Variants in HSD17B7 observed in about 807,000 individuals in gnomAD.
The protein encoded by HSD17B7 is hydroxysteroid 17-beta dehydrogenase 7, also known as 3-keto-steroid reductase/17-beta-hydroxysteroid dehydrogenase 7.
A neutral mutation model predicts 34.1 loss-of-function variants in HSD17B7; 17 were observed. That is an observed-to-expected ratio of 0.50 (90% CI 0.34 to 0.75). The LOEUF is 0.75. Ranked by LOEUF, HSD17B7 falls within the 30% of genes least tolerant of loss-of-function variation. The probability of loss-of-function intolerance (pLI) is 0.01; values close to 1 mark genes in which losing one functional copy is unlikely to be tolerated. For synonymous variants in HSD17B7, 122 were observed against 154.6 expected (o/e 0.79, Z 1.56); for missense variants, 296 against 406.6 (o/e 0.73, Z 2.34).
intron 5 of HSD17B7, among the ~76,000 whole-genome samples, chr1:162,800,523 CTA>C (rs1435809181): frequency 3.3e-5 from 5 of 152,190 alleles, no homozygotes; most frequent in African/African-American, 1.2e-4. Flanking sequence ...AGCTCTGTCT[CTA>C]TGAGGATCTC....
chr1:162,792,720 T>C lies in HSD17B7; in HGVS notation c.97T>C (p.Leu33=). ...GGAAGATGATGAGCTTCATCTGTGT[T>C]TGGCGTGCAGGAACATGAGCAAGGC... ...LAEDDELHLC[L]ACRNMSKAEA... Residue 33 remains leucine (L), a synonymous_variant, in exon 2 of 9, where the codon TTG becomes CTG. Transcript: ENST00000254521. 1.9e-6 allele frequency: 3 copies of C among 1,614,160 alleles called. No individual in the cohort carries two copies. Among genetic ancestry groups the C allele is most frequent in the Non-Finnish European group, 2.5e-6 (3 of 1,180,036 alleles).
At chr1:162,808,791 A>G (rs1408124630) in intron 8 of HSD17B7, among the ~76,000 whole-genome samples, 1 of 152,188 alleles carries the variant, frequency 6.6e-6, no homozygotes, top group Non-Finnish European at 1.5e-5. Context: ...GTGTATAAGA[A>G]TGCTTGTGAT....
rs1288764028 is a variant in HSD17B7 at position 162,801,044 on chromosome 1, A to G, written c.642+1107A>G. 4.6e-5 allele frequency among the ~76,000 whole-genome samples: 7 copies of G among 152,266 alleles called. No homozygotes were observed. In the East Asian group the frequency reaches 1.2e-3, roughly 25 times the overall value. On this transcript the variant is annotated intron_variant, in intron 5 of 8. Coordinates refer to ENST00000254521, the MANE Select transcript of HSD17B7 (RefSeq NM_016371.4). The stretch of plus-strand genomic sequence containing the variant: ...GCCCAGGCTGGAGTGCGGTGGCACA[A>G]TCATGGCTCACTGCAACCTCTATCT...
At chr1:162,797,600 G>A (rs1470708884) in intron 3 of HSD17B7, 2 of 571,064 alleles carry the variant, frequency 3.5e-6, no homozygotes, top group African/African-American at 3.8e-5. Context: ...AAGTATTTCT[G>A]TGAATTAGTG....
At chr1:162,806,966 T>C (rs1320179219) in intron 8 of HSD17B7, among the ~76,000 whole-genome samples, 1 of 152,216 alleles carries the variant, frequency 6.6e-6, no homozygotes, top group Non-Finnish European at 1.5e-5. Flanking sequence ...TGTTATTTTC[T>C]TTCTTTTTTT....
Position 162,812,613 on chromosome 1 carries a change from G to A in HSD17B7, c.*193G>A. On this transcript the variant is annotated 3_prime_UTR_variant, in exon 9 of 9. Coordinates refer to ENST00000254521, the MANE Select transcript of HSD17B7 (RefSeq NM_016371.4). Reference sequence around the variant, plus strand: ...GGATCTCTTGAGGCTGGGAGGCAGAGGTTGCAGTGAGCTGAGATTGTGCCA... The same window carrying A: ...GGATCTCTTGAGGCTGGGAGGCAGAAGTTGCAGTGAGCTGAGATTGTGCCA... The A allele has an allele frequency of 1.1e-5, 5 of 474,376 alleles. No individual in the cohort carries two copies. The Admixed American group carries it at 1.4e-4, about 14-fold the overall frequency. 29.4% of individuals were successfully genotyped at this position (474,376 alleles called of 1,614,324 possible).
rs2461257 is a variant in HSD17B7, at chr1:162,805,349, T to C, written c.805-45T>C. The C allele has an allele frequency of 3.1e-6, 5 of 1,604,728 alleles. No individual in the cohort carries two copies. In the South Asian group the frequency reaches 3.3e-5, roughly 11 times the overall value. On this transcript the variant is annotated intron_variant, in intron 7 of 8. Coordinates refer to ENST00000254521, the MANE Select transcript of HSD17B7 (RefSeq NM_016371.4). ...TGTGAATCTCCACCAGCCTCACTCATCTTGGGCAGAAGAAACAAATCATTG... is the reference window on the plus strand; with the variant it reads ...TGTGAATCTCCACCAGCCTCACTCACCTTGGGCAGAAGAAACAAATCATTG...
chr1:162,804,246 C>G, intron 6 of HSD17B7, 21 bp from the exon 7 acceptor site: 1 of 1,595,270 alleles, frequency 6.3e-7, no homozygotes, highest in South Asian at 1.1e-5. Context: ...CAAAAAATAA[C>G]AGTTGTTTTC....
intron 2 of HSD17B7, among the ~76,000 whole-genome samples, chr1:162,794,981 G>T (rs1185741251): frequency 6.6e-6 from 1 of 152,190 alleles, no homozygotes; most frequent in Non-Finnish European, 1.5e-5. Context: ...GTTGTCCCAG[G>T]TACCTGTCAT....
intron 7 of HSD17B7, 134 bp from the exon 8 acceptor site, chr1:162,805,260 C>T: frequency 7.6e-7 from 1 of 1,309,664 alleles, no homozygotes; most frequent in South Asian, 1.7e-5. Flanking sequence ...TTTGCCAAAC[C>T]ATTCACTGAT....
intron 8 of HSD17B7, among the ~76,000 whole-genome samples, chr1:162,806,212 C>T (rs561922527): frequency 6.6e-6 from 1 of 152,098 alleles, no homozygotes; most frequent in African/African-American, 2.4e-5. Flanking sequence ...TGTTTCAGCC[C>T]CTGATTTTCC....
rs577215261 is a variant in HSD17B7, at chr1:162,793,328, T to C, written c.239+466T>C. On this transcript the variant is annotated intron_variant, in intron 2 of 8. Coordinates refer to ENST00000254521, the MANE Select transcript of HSD17B7 (RefSeq NM_016371.4). ...GATTACAGGCGTGAGCCATTGCGCCTGGCCAGTACCACATTTTCAGTCTCA... is the reference window on the plus strand; with the variant it reads ...GATTACAGGCGTGAGCCATTGCGCCCGGCCAGTACCACATTTTCAGTCTCA... Among the ~76,000 whole-genome samples, 15 of 151,830 alleles carry C rather than the reference T, an allele frequency of 9.9e-5. No individual in the cohort carries two copies. In the South Asian group the frequency reaches 3.1e-3, roughly 32 times the overall value.
chr1:162,807,045 A>G (rs2102236769), intron 8 of HSD17B7, among the ~76,000 whole-genome samples: 1 of 152,330 alleles, frequency 6.6e-6, no homozygotes, highest in South Asian at 2.1e-4. Context: ...ACATATGTAT[A>G]CATGTGCCAT....
intron 4 of HSD17B7, chr1:162,798,681 C>G (rs1050429024): frequency 6.4e-6 from 1 of 156,260 alleles, no homozygotes; most frequent in East Asian, 1.9e-4. Context: ...TTTCTTTCTC[C>G]CTTTTCATAC....
At chr1:162,795,228 C>T (rs1012651404) in intron 2 of HSD17B7, among the ~76,000 whole-genome samples, 6 of 152,128 alleles carry the variant, frequency 3.9e-5, no homozygotes, top group Non-Finnish European at 7.4e-5. Context: ...CTTGAGAATC[C>T]CTTCTAATGG....
intron 5 of HSD17B7, chr1:162,803,212 C>G (rs1648872928): frequency 2.9e-6 from 1 of 348,886 alleles, no homozygotes; most frequent in Admixed American, 4.1e-5. Context: ...CTTTGTCCCA[C>G]TAATTTTTGC....
chr1:162,806,745 G>T (rs1648992121), intron 8 of HSD17B7, among the ~76,000 whole-genome samples: 1 of 152,190 alleles, frequency 6.6e-6, no homozygotes. Context: ...TAGAAGGAAT[G>T]ATTTGTTTAT....
At chr1:162,810,287 T>C (rs1649130810) in intron 8 of HSD17B7, among the ~76,000 whole-genome samples, 1 of 152,354 alleles carries the variant, frequency 6.6e-6, no homozygotes, top group South Asian at 2.1e-4. Flanking sequence ...TCCTGAGTTC[T>C]AGTTTGATTG....
chr1:162,808,595 T>C (rs1342150460), intron 8 of HSD17B7, among the ~76,000 whole-genome samples: 7 of 152,170 alleles, frequency 4.6e-5, no homozygotes, highest in Admixed American at 1.3e-4. Flanking sequence ...TCTTCCTATC[T>C]ATGAGCATGG....
Sources: allele counts gnomAD v4.1 joint callset (sites outside exome capture counted in the v4.1 genomes callset), GRCh38; gene constraint gnomAD v4.1.1; transcripts MANE v1.5; gene names NCBI Gene and HGNC (gene_info 2026-07-23, HGNC 2026-07-21).